The following DLGAP1 variants were observed in gnomAD, a reference collection of about 807,000 sequenced individuals.
DLGAP1 encodes DLG associated protein 1, also known as disks large-associated protein 1.
In DLGAP1, 11 loss-of-function variants were observed where a neutral mutation model predicts 90.8. The observed-to-expected ratio is 0.12, with a 90% CI of 0.08 to 0.20. The LOEUF is 0.20. DLGAP1 is among the 10% of genes least tolerant of loss of function. The pLI is 1.00. For synonymous variants in DLGAP1, 558 were observed against 540.7 expected (o/e 1.03, Z -0.44); for missense variants, 1,050 against 1,333.8 (o/e 0.79, Z 3.31).
intron 7 of DLGAP1, among the ~76,000 whole-genome samples, chr18:3,674,296 A>AAAAATATATATATATATATATATAT (rs755076240): frequency 2.3e-5 from 3 of 128,992 alleles, no homozygotes; most frequent in African/African-American, 9.7e-5. Context: ...ATAATATTAA[A>AAAAATATATATATATATATATATAT]ATATATATAT....
intron 5 of DLGAP1, among the ~76,000 whole-genome samples, chr18:3,810,196 G>T (rs1390872606): frequency 6.6e-6 from 1 of 152,076 alleles, no homozygotes; most frequent in Non-Finnish European, 1.5e-5. Flanking sequence ...GGTTTTGCTG[G>T]CCCAAAGATG....
intron 7 of DLGAP1, among the ~76,000 whole-genome samples, chr18:3,623,798 G>A (rs1231881102): frequency 3.6e-4 from 48 of 134,584 alleles, no homozygotes; most frequent in African/African-American, 1.2e-3. Flanking sequence ...AAAAAAAAAA[G>A]GAAAACCCCC....
intron 3 of DLGAP1, among the ~76,000 whole-genome samples, chr18:3,890,176 C>A (rs569732184): frequency 1.7e-4 from 26 of 152,352 alleles, no homozygotes; most frequent in Middle Eastern, 3.4e-3. Context: ...TCTGAAGTGG[C>A]CCCAACAGAA....
chr18:4,013,675 A>T (rs950276673), intron 2 of DLGAP1: 6 of 152,212 alleles, frequency 3.9e-5, no homozygotes, highest in Admixed American at 2.0e-4. Flanking sequence ...GCCACCACAC[A>T]CTTTTGTCCC....
chr18:4,359,627 T>C (rs994306355), intron 1 of DLGAP1, among the ~76,000 whole-genome samples: 14 of 152,184 alleles, frequency 9.2e-5, no homozygotes, highest in African/African-American at 3.1e-4. Flanking sequence ...ACCTCAGCCA[T>C]GGACCTAGCA....
At chr18:3,658,296 T>G (rs924439804) in intron 7 of DLGAP1, among the ~76,000 whole-genome samples, 5 of 152,240 alleles carry the variant, frequency 3.3e-5, no homozygotes, top group African/African-American at 1.2e-4. Flanking sequence ...AATTGTAAGT[T>G]ACACAATTTA....
intron 1 of DLGAP1, among the ~76,000 whole-genome samples, chr18:4,390,262 G>C (rs1194393031): frequency 6.6e-6 from 1 of 151,804 alleles, no homozygotes; most frequent in Non-Finnish European, 1.5e-5. Flanking sequence ...TGAAAGGAAA[G>C]GACAGAGGTC....
intron 3 of DLGAP1, among the ~76,000 whole-genome samples, chr18:3,913,913 G>A (rs2072087363): frequency 6.6e-6 from 1 of 152,140 alleles, no homozygotes. Flanking sequence ...TGACAAATGG[G>A]AAACCTGTTA....
At chr18:4,079,372 A>G (rs2075571414) in intron 2 of DLGAP1, among the ~76,000 whole-genome samples, 1 of 151,788 alleles carries the variant, frequency 6.6e-6, no homozygotes, top group Non-Finnish European at 1.5e-5. Context: ...GAATAAAATA[A>G]TATCTTTTTC....
chr18:4,331,644 G>A (rs949316754), intron 1 of DLGAP1, among the ~76,000 whole-genome samples: 3 of 151,714 alleles, frequency 2.0e-5, no homozygotes, highest in Non-Finnish European at 4.4e-5. Context: ...TGACCAAGAA[G>A]CCCTAGATGA....
intron 1 of DLGAP1, among the ~76,000 whole-genome samples, chr18:4,315,075 T>C (rs1464119004): frequency 1.3e-5 from 2 of 152,222 alleles, no homozygotes; most frequent in African/African-American, 4.8e-5. Flanking sequence ...AAGGGAAGGC[T>C]TGTGAGCATA....
At chr18:4,194,156 C>T (rs1049447485) in intron 1 of DLGAP1, among the ~76,000 whole-genome samples, 5 of 152,080 alleles carry the variant, frequency 3.3e-5, no homozygotes, top group African/African-American at 1.2e-4. Flanking sequence ...AACTTTGCCC[C>T]ATTCCCTTCC....
chr18:3,947,730 A>T (rs11661513), intron 3 of DLGAP1, among the ~76,000 whole-genome samples: 1 of 152,042 alleles, frequency 6.6e-6, no homozygotes, highest in Non-Finnish European at 1.5e-5. Context: ...GCCCTATATC[A>T]CATTTCCTTA....
At chr18:3,640,040 C>T (rs1387716428) in intron 7 of DLGAP1, among the ~76,000 whole-genome samples, 2 of 151,998 alleles carry the variant, frequency 1.3e-5, no homozygotes, top group African/African-American at 2.4e-5. Flanking sequence ...AGGCGTGAGC[C>T]ACGGCACCCG....
At chr18:4,399,571 T>C (rs547051394) in intron 1 of DLGAP1, among the ~76,000 whole-genome samples, 51 of 152,324 alleles carry the variant, frequency 3.3e-4, no homozygotes, top group South Asian at 4.1e-4. Flanking sequence ...TTACAACGTC[T>C]TAGGATACCT....
intron 2 of DLGAP1, among the ~76,000 whole-genome samples, chr18:4,099,709 T>TC (rs1427772850): frequency 2.7e-5 from 4 of 150,856 alleles, no homozygotes; most frequent in African/African-American, 9.7e-5. Context: ...TTACTTTTTT[T>TC]TTTTTTTTTT....
chr18:3,732,937 A>G (rs1022427053), intron 6 of DLGAP1, among the ~76,000 whole-genome samples: 16 of 152,148 alleles, frequency 1.1e-4, no homozygotes, highest in Admixed American at 3.9e-4. Flanking sequence ...CTAGGATATA[A>G]ATACTATAGG....
At position 4,381,851 on chromosome 18, in the gene DLGAP1, G is replaced by T. The variant is rs188230579; in HGVS notation, c.-267+73155C>A. 1.3e-3 allele frequency among the ~76,000 whole-genome samples: 197 copies of T among 152,200 alleles called. No individual in the cohort carries two copies. In the East Asian group the frequency reaches 0.025, roughly 20 times the overall value. On this transcript the variant is annotated intron_variant, in intron 1 of 12. Transcript: ENST00000315677. ...ATACCTGAGACTGGGTAATTTATAA[G>T]AAAATGAGGTTTAGGACTCACAGTT...
intron 9 of DLGAP1, among the ~76,000 whole-genome samples, chr18:3,564,356 T>C (rs1288990836): frequency 6.6e-6 from 1 of 152,028 alleles, no homozygotes; most frequent in Non-Finnish European, 1.5e-5. Context: ...GGGGCTGAGG[T>C]TGGGTATGTC....
Sources: allele counts gnomAD v4.1 joint callset (sites outside exome capture counted in the v4.1 genomes callset), GRCh38; gene constraint gnomAD v4.1.1; transcripts MANE v1.5; gene names NCBI Gene and HGNC (gene_info 2026-07-23, HGNC 2026-07-21).